EFL1: variants seen among roughly 807,000 people sequenced by gnomAD.
EFL1 encodes the protein elongation factor like GTPase 1, also known as elongation factor-like GTPase 1.
EFL1 carries 76 observed loss-of-function variants against 126.7 expected under a neutral mutation model. The ratio of observed to expected loss-of-function variants is 0.60; its 90% CI spans 0.50 to 0.73. The LOEUF (loss-of-function observed/expected upper bound fraction) is 0.73, where lower values mean the gene tolerates loss of function less well. Ranked by LOEUF, EFL1 falls within the 30% of genes least tolerant of loss-of-function variation. The probability of loss-of-function intolerance (pLI) is 0.00; values close to 1 mark genes in which losing one functional copy is unlikely to be tolerated. For missense variants in EFL1, 1,128 were observed against 1,343.2 expected, an observed-to-expected ratio of 0.84 and a Z score of 2.50; for synonymous variants, 410 against 448.4, an observed-to-expected ratio of 0.91 and a Z score of 1.08.
chr15:82,187,845 TAATCTC>T (rs1270567593), intron 15 of EFL1, among the ~76,000 whole-genome samples: 21 of 152,172 alleles, frequency 1.4e-4, no homozygotes, highest in African/African-American at 4.6e-4. Flanking sequence ...TACTTTGACT[TAATCTC>T]AGTCATATTA....
intron 18 of EFL1, among the ~76,000 whole-genome samples, chr15:82,149,251 T>G (rs2073882573): frequency 6.6e-6 from 1 of 152,054 alleles, no homozygotes; most frequent in Admixed American, 6.6e-5. Flanking sequence ...TCAGTACTCA[T>G]AAGAAAAAAA....
In EFL1 at chr15:82,191,717, C is replaced by G. The variant is rs2074361876; in HGVS notation, c.1750+23000G>C. On this transcript the variant is annotated intron_variant, in intron 15 of 19. Coordinates refer to ENST00000268206, the MANE Select transcript of EFL1 (RefSeq NM_024580.6). Reference sequence around the variant, plus strand: ...ATTAGAAACAAACTGAGGTTTTGGTCAAGTGCCACAGTTTTTCACTCAGGG... The same window carrying G: ...ATTAGAAACAAACTGAGGTTTTGGTGAAGTGCCACAGTTTTTCACTCAGGG... 2.0e-5 allele frequency among the ~76,000 whole-genome samples: 3 copies of G among 152,056 alleles called. No homozygotes were observed. In the South Asian group the frequency reaches 6.2e-4, roughly 31 times the overall value.
rs535821796 is a variant in EFL1 at position 82,159,148 on chromosome 15, T to G, written c.1883-1288A>C. 1.9e-4 allele frequency among the ~76,000 whole-genome samples: 24 copies of G among 129,668 alleles called. No homozygotes were observed. The East Asian group carries it at 4.7e-3, about 25-fold the overall frequency. 85.1% of individuals were successfully genotyped at this position (129,668 alleles called of 152,430 possible). ...CTTCATTTGTTCCTTTTTGGCATAC[T>G]GTAATTTTTTTTTTGTCTAATTAAG... On this transcript the variant is annotated intron_variant, in intron 16 of 19. Coordinates refer to ENST00000268206, the MANE Select transcript of EFL1 (RefSeq NM_024580.6).
At chr15:82,174,195 GA>G (rs11454123) in intron 15 of EFL1, 6 of 149,090 alleles carry the variant, frequency 4.0e-5, no homozygotes, top group Non-Finnish European at 6.0e-5. Context: ...CTCAAAAAAG[GA>G]AAAAAAAAAC....
At chr15:82,193,362 A>T (rs2074378431) in intron 15 of EFL1, among the ~76,000 whole-genome samples, 1 of 152,208 alleles carries the variant, frequency 6.6e-6, no homozygotes. Flanking sequence ...CTTAGAAAGT[A>T]CCTCAACTCA....
chr15:82,183,284 A>G (rs545563569), intron 15 of EFL1, among the ~76,000 whole-genome samples: 85 of 152,382 alleles, frequency 5.6e-4, no homozygotes, highest in African/African-American at 1.4e-3. Context: ...AAAGCATTGC[A>G]TATTTCAGGG....
At chr15:82,255,069 A>T (rs1488819890) in intron 3 of EFL1, among the ~76,000 whole-genome samples, 1 of 152,206 alleles carries the variant, frequency 6.6e-6, no homozygotes, top group Non-Finnish European at 1.5e-5. Flanking sequence ...TTAAATCTGC[A>T]CATCCTCAAC....
intron 7 of EFL1, among the ~76,000 whole-genome samples, chr15:82,234,045 T>G (rs1486773867): frequency 6.6e-6 from 1 of 152,344 alleles, no homozygotes; most frequent in African/African-American, 2.4e-5. Context: ...TGATAGTATC[T>G]AAAAATGTCA....
intron 15 of EFL1, among the ~76,000 whole-genome samples, chr15:82,174,891 A>C (rs748391062): frequency 8.5e-5 from 13 of 152,218 alleles, no homozygotes; most frequent in Non-Finnish European, 1.2e-4. Flanking sequence ...GAATTATGGA[A>C]TTTGGAGGGT....
At chr15:82,228,052 T>C in intron 10 of EFL1, 139 bp downstream of exon 10, 1 of 1,081,282 alleles carries the variant, frequency 9.2e-7, no homozygotes, top group Non-Finnish European at 1.3e-6. Flanking sequence ...TACAGTTTCA[T>C]GGTAGAACAC....
chr15:82,204,657 A>G (rs1405065854), intron 15 of EFL1, among the ~76,000 whole-genome samples: 2 of 152,226 alleles, frequency 1.3e-5, no homozygotes, highest in Non-Finnish European at 2.9e-5. Context: ...AAATACTAAG[A>G]ATAGAGGTCA....
intron 7 of EFL1, among the ~76,000 whole-genome samples, chr15:82,231,720 T>C (rs887344143): frequency 6.6e-6 from 1 of 151,250 alleles, no homozygotes; most frequent in Non-Finnish European, 1.5e-5. Flanking sequence ...CCCAACCTAA[T>C]GCAATCGCAC....
chr15:82,238,607 G>T lies in EFL1; in HGVS notation c.517-86C>A, dbSNP rs1197753311. 12 of 1,186,910 alleles carry T rather than the reference G, an allele frequency of 1.0e-5. No individual in the cohort carries two copies. The Admixed American group carries it at 1.1e-4, about 11-fold the overall frequency. 73.5% of individuals were successfully genotyped at this position (1,186,910 alleles called of 1,614,324 possible). On this transcript the variant is annotated intron_variant, in intron 6 of 19. Coordinates refer to ENST00000268206, the MANE Select transcript of EFL1 (RefSeq NM_024580.6). Reference sequence around the variant, plus strand: ...GAAACACTGTTTAACCTGTGTTAGGGCTAGAATCATTAGTCAGTTTGGGCT... The same window carrying T: ...GAAACACTGTTTAACCTGTGTTAGGTCTAGAATCATTAGTCAGTTTGGGCT...
rs1354251993 is a variant in EFL1, at chr15:82,230,974, G to A, written c.732-3C>T. The A allele has an allele frequency of 2.5e-6, 4 of 1,609,226 alleles. No homozygotes were observed. In the African/African-American group the frequency reaches 5.4e-5, roughly 22 times the overall value. On this transcript the variant is annotated splice_polypyrimidine_tract_variant and splice_region_variant and intron_variant, in intron 7 of 19. Coordinates refer to ENST00000268206, the MANE Select transcript of EFL1 (RefSeq NM_024580.6). ...AGATTCTGGCGAAGTGCTCAATTCT[G>A]AAAGAAGACCAAATGTTCATGTTAT...
At chr15:82,227,186 C>A (rs187902984) in intron 11 of EFL1, among the ~76,000 whole-genome samples, 10 of 152,318 alleles carry the variant, frequency 6.6e-5, no homozygotes, top group African/African-American at 2.4e-4. Context: ...AGAATGGGAG[C>A]TTCTTTTCTC....
chr15:82,131,170 T>G (rs2073639235), intron 19 of EFL1, among the ~76,000 whole-genome samples: 1 of 152,210 alleles, frequency 6.6e-6, no homozygotes, highest in African/African-American at 2.4e-5. Context: ...TAATATAATT[T>G]TTAAAAGCTT....
intron 15 of EFL1, among the ~76,000 whole-genome samples, chr15:82,211,547 T>TACACAC (rs1214996508): frequency 0.015 from 1,075 of 70,554 alleles, 34 homozygotes; most frequent in Middle Eastern, 0.063. Context: ...AAAAAATCTA[T>TACACAC]ATACACACAC....
intron 3 of EFL1, among the ~76,000 whole-genome samples, chr15:82,253,107 C>T (rs914804159): frequency 2.0e-5 from 3 of 151,782 alleles, no homozygotes; most frequent in Admixed American, 6.6e-5. Flanking sequence ...GGTACAATCT[C>T]GGCTCACTGC....
chr15:82,142,757 A>G (rs754244263), intron 18 of EFL1, among the ~76,000 whole-genome samples: 9 of 152,220 alleles, frequency 5.9e-5, no homozygotes, highest in Non-Finnish European at 1.3e-4. Context: ...GCCAAGGTAT[A>G]TCACTCACTG....
Sources: allele counts gnomAD v4.1 joint callset (sites outside exome capture counted in the v4.1 genomes callset), GRCh38; gene constraint gnomAD v4.1.1; transcripts MANE v1.5; gene names NCBI Gene and HGNC (gene_info 2026-07-23, HGNC 2026-07-21).